ZCCHC17: variants seen among roughly 807,000 people sequenced by gnomAD.
The protein encoded by ZCCHC17 is zinc finger CCHC-type containing 17.
ZCCHC17 carries 18 observed loss-of-function variants against 30.6 expected under a neutral mutation model. The ratio of observed to expected loss-of-function variants is 0.59; its 90% CI spans 0.41 to 0.87. ZCCHC17 has a LOEUF of 0.87. Among genes scored for constraint, ZCCHC17 ranks in the 40% least tolerant of loss-of-function variants. The pLI, the probability that ZCCHC17 is intolerant of heterozygous loss-of-function variation, is 0.00. For synonymous variants in ZCCHC17, 88 were observed against 92.4 expected (o/e 0.95, Z 0.27); for missense variants, 263 against 284.2 (o/e 0.93, Z 0.54).
At chr1:31,335,556 T>A (rs1427587095) in intron 3 of ZCCHC17, among the ~76,000 whole-genome samples, 7 of 152,008 alleles carry the variant, frequency 4.6e-5, no homozygotes. Flanking sequence ...TTCTGTAATT[T>A]TTCTAGAGAT....
chr1:31,354,844 C>T (rs1639586470), intron 7 of ZCCHC17, among the ~76,000 whole-genome samples: 1 of 152,174 alleles, frequency 6.6e-6, no homozygotes, highest in African/African-American at 2.4e-5. Flanking sequence ...GTCTGATGAA[C>T]AATGGCAGTA....
At chr1:31,310,237 T>C in intron 2 of ZCCHC17, 73 bp downstream of exon 2, 1 of 1,508,516 alleles carries the variant, frequency 6.6e-7, no homozygotes, top group African/African-American at 1.4e-5. Flanking sequence ...GGGTTTGTTG[T>C]TCCTGTCCAC....
At chr1:31,356,455 A>G (rs991138343) in intron 7 of ZCCHC17, among the ~76,000 whole-genome samples, 1 of 152,250 alleles carries the variant, frequency 6.6e-6, no homozygotes, top group Non-Finnish European at 1.5e-5. Flanking sequence ...ACCACCAGAA[A>G]TAGCCCAGGA....
chr1:31,332,481 C>T (rs921878202), intron 3 of ZCCHC17, among the ~76,000 whole-genome samples: 11 of 151,858 alleles, frequency 7.2e-5, no homozygotes, highest in Non-Finnish European at 1.0e-4. Flanking sequence ...CATAGTTTCA[C>T]ATTATTTCAT....
At position 31,348,885 on chromosome 1, in the gene ZCCHC17, C is replaced by A. The variant is rs1003102128; in HGVS notation, c.475C>A (p.Pro159Thr). Reference protein sequence around the residue: ...QPGGTKYSLIPDEEEEKEEAK... With the variant: ...QPGGTKYSLITDEEEEKEEAK... The stretch of plus-strand genomic sequence containing the variant: ...AGGTGGGACTAAATACTCTCTGATA[C>A]CTGATGAGGAAGAGGAAAAGGAAGA... Residue 159 changes from proline (P) to threonine (T), a missense_variant, in exon 7 of 8, where the codon CCT becomes ACT. Pro to Thr is a conservative substitution (Grantham distance 38). Coordinates refer to ENST00000344147, the MANE Select transcript of ZCCHC17 (RefSeq NM_016505.4). The A allele has an allele frequency of 2.5e-6, 4 of 1,613,330 alleles. No homozygotes were observed. The highest frequency in any genetic ancestry group is 3.4e-6 in the Non-Finnish European group (4 of 1,179,992).
chr1:31,312,205 G>C (rs1009456614), intron 2 of ZCCHC17, among the ~76,000 whole-genome samples: 1 of 152,014 alleles, frequency 6.6e-6, no homozygotes, highest in Admixed American at 6.6e-5. Flanking sequence ...TCATCCTTTA[G>C]GTCTCAGCCC....
intron 2 of ZCCHC17, among the ~76,000 whole-genome samples, chr1:31,318,542 G>A (rs1646788759): frequency 6.6e-6 from 1 of 152,100 alleles, no homozygotes; most frequent in Non-Finnish European, 1.5e-5. Flanking sequence ...AGATGTGTAT[G>A]TATTGGCTTT....
In ZCCHC17 at chr1:31,315,939, T is replaced by C. The variant is rs933637790; in HGVS notation, c.67-3170T>C. Among the ~76,000 whole-genome samples the C allele has an allele frequency of 2.0e-5, 3 of 152,338 alleles. No individual in the cohort carries two copies. The South Asian group carries it at 6.2e-4, about 32-fold the overall frequency. Reference sequence around the variant, plus strand: ...AGTTGAGTGCATCCATTCTGGAGCATATTAACCTTTCCTTTTGGGAGAGGC... The same window carrying C: ...AGTTGAGTGCATCCATTCTGGAGCACATTAACCTTTCCTTTTGGGAGAGGC... On this transcript the variant is annotated intron_variant, in intron 2 of 7. Transcript: ENST00000344147.
chr1:31,339,021 A>G lies in ZCCHC17; in HGVS notation c.290A>G (p.Asp97Gly). ...GTTGTCAATCAAGGGACTGGGAAAG[A>G]CCTTGATCCCAACAATGTTATCATT... ...MKVVNQGTGK[D>G]LDPNNVIIEQ... Residue 97 changes from aspartate to glycine, a missense_variant, in exon 5 of 8, where the codon GAC becomes GGC. Asp to Gly is a moderately conservative substitution (Grantham distance 94). Coordinates refer to ENST00000344147, the MANE Select transcript of ZCCHC17 (RefSeq NM_016505.4). 6.2e-7 allele frequency: 1 copy of G among 1,611,944 alleles called. No homozygotes were observed. Among genetic ancestry groups the G allele is most frequent in the Non-Finnish European group, 8.5e-7 (1 of 1,179,328 alleles).
At chr1:31,344,628 C>T (rs530022451) in intron 5 of ZCCHC17, among the ~76,000 whole-genome samples, 3 of 152,166 alleles carry the variant, frequency 2.0e-5, no homozygotes, top group East Asian at 1.9e-4. Flanking sequence ...AAAAGAGAGA[C>T]GTGGGTGACT....
At chr1:31,311,605 G>A (rs1646603336) in intron 2 of ZCCHC17, among the ~76,000 whole-genome samples, 1 of 152,192 alleles carries the variant, frequency 6.6e-6, no homozygotes, top group Admixed American at 6.5e-5. Flanking sequence ...TTCCAAGATG[G>A]CACCTTCCTG....
At chr1:31,310,934 G>T (rs367920487) in intron 2 of ZCCHC17, among the ~76,000 whole-genome samples, 9 of 152,008 alleles carry the variant, frequency 5.9e-5, no homozygotes, top group African/African-American at 1.9e-4. Context: ...TTATATCTCT[G>T]GTCTATGTAC....
chr1:31,364,361 C>A lies in ZCCHC17; in HGVS notation c.*168C>A. The A allele has an allele frequency of 1.6e-6, 2 of 1,230,196 alleles. No homozygotes were observed. Among genetic ancestry groups the A allele is most frequent in the Non-Finnish European group, 2.2e-6 (2 of 908,920 alleles). The allele number at this position is 1,230,196 out of a possible 1,614,324, so 76.2% of individuals were successfully genotyped here. ...ACAGGCAGGTTTGGGAGTTAGAGGT[C>A]AAAAGCAGCTGCCTGAATGAGTTGT... On this transcript the variant is annotated 3_prime_UTR_variant, in exon 8 of 8. Coordinates refer to ENST00000344147, the MANE Select transcript of ZCCHC17 (RefSeq NM_016505.4).
At chr1:31,329,831 A>G (rs1033249928) in intron 3 of ZCCHC17, among the ~76,000 whole-genome samples, 1 of 152,202 alleles carries the variant, frequency 6.6e-6, no homozygotes, top group Non-Finnish European at 1.5e-5. Context: ...CTTATCCCTG[A>G]AATGGGAATG....
At position 31,364,836 on chromosome 1, in the gene ZCCHC17, C is replaced by A. The variant is rs41263944; in HGVS notation, c.*643C>A. 18,240 of 152,374 alleles carry A rather than the reference C, an allele frequency of 0.12. 1,233 individuals are homozygous for A. The highest frequency in any genetic ancestry group is 0.15 in the Non-Finnish European group (9,917 of 68,072). The allele number at this position is 152,374 out of a possible 1,614,324, so 9.4% of individuals were successfully genotyped here. A position where few individuals can be genotyped will look rare whatever the true frequency, so the allele number is the denominator to read the frequency against. ...CTGAACCAGACAGCGAAGCCAAGAT[C>A]ATTGTTCTACTTTGTATTTACTACT... is the stretch of plus-strand genomic sequence containing the variant. On this transcript the variant is annotated 3_prime_UTR_variant, in exon 8 of 8. Coordinates refer to ENST00000344147, the MANE Select transcript of ZCCHC17 (RefSeq NM_016505.4).
At chr1:31,307,818 A>G (rs1038359675) in intron 1 of ZCCHC17, among the ~76,000 whole-genome samples, 2 of 151,138 alleles carry the variant, frequency 1.3e-5, no homozygotes, top group African/African-American at 2.4e-5. Context: ...CAGATGATCC[A>G]CCCGCCTTGG....
At chr1:31,323,345 G>C (rs1031242556) in intron 3 of ZCCHC17, among the ~76,000 whole-genome samples, 3 of 150,890 alleles carry the variant, frequency 2.0e-5, no homozygotes, top group Non-Finnish European at 4.4e-5. Context: ...TTTTTGAGAC[G>C]GAGTCTTGCT....
At chr1:31,356,984 G>A (rs927416259) in intron 7 of ZCCHC17, among the ~76,000 whole-genome samples, 1 of 152,152 alleles carries the variant, frequency 6.6e-6, no homozygotes, top group East Asian at 1.9e-4. Flanking sequence ...TGCTTTACTG[G>A]CCTCTTTCAT....
chr1:31,314,976 C>A (rs1420302253), intron 2 of ZCCHC17, among the ~76,000 whole-genome samples: 1 of 152,110 alleles, frequency 6.6e-6, no homozygotes, highest in African/African-American at 2.4e-5. Context: ...CAAGAGAATT[C>A]TTTTGACTGA....
Sources: gnomAD v4.1 joint callset for allele counts (sites outside exome capture counted in the v4.1 genomes callset) on GRCh38, gnomAD v4.1.1 for gene constraint, MANE v1.5 for transcripts, NCBI Gene and HGNC (gene_info 2026-07-23, HGNC 2026-07-21) for gene names.